TTLL12: variants seen among roughly 807,000 people sequenced by gnomAD.
The protein encoded by TTLL12 is tubulin tyrosine ligase like 12.
In TTLL12, 77 loss-of-function variants were observed where a neutral mutation model predicts 79.6. The ratio of observed to expected loss-of-function variants is 0.97; its 90% CI spans 0.81 to 1.17. The LOEUF (loss-of-function observed/expected upper bound fraction) is 1.17, where lower values mean the gene tolerates loss of function less well. Ranked by LOEUF, TTLL12 falls within the 50% of genes most tolerant of loss-of-function variation. The pLI is 0.00. For missense variants in TTLL12, 969 were observed against 895.9 expected (o/e 1.08, Z -1.04); for synonymous variants, 437 against 376.1 (o/e 1.16, Z -1.87).
intron 6 of TTLL12, among the ~76,000 whole-genome samples, chr22:43,174,895 A>G (rs1173031842): frequency 1.3e-5 from 2 of 152,230 alleles, no homozygotes; most frequent in Admixed American, 6.5e-5. Context: ...ATTAAATGGC[A>G]TAATTTGGGT....
chr22:43,169,909 G>C, intron 11 of TTLL12: 4 of 468,608 alleles, frequency 8.5e-6, no homozygotes, highest in South Asian at 6.2e-5. Context: ...TGCAGGGCCT[G>C]GGCTGGCACC....
chr22:43,179,571 C>T (rs763916160), intron 5 of TTLL12, 48 bp downstream of exon 5: 2 of 1,512,930 alleles, frequency 1.3e-6, no homozygotes, highest in Non-Finnish European at 1.8e-6. Flanking sequence ...AGAGAACATT[C>T]TGGAAGCTAC....
intron 8 of TTLL12, 70 bp downstream of exon 8, chr22:43,174,139 G>A (rs1601769580): frequency 6.5e-7 from 1 of 1,533,324 alleles, no homozygotes; most frequent in East Asian, 2.3e-5. Flanking sequence ...TCATGGAGGA[G>A]CAGGCGGACA....
intron 5 of TTLL12, among the ~76,000 whole-genome samples, chr22:43,176,904 G>A (rs75441074): frequency 0.031 from 4,701 of 151,964 alleles, 98 homozygotes; most frequent in South Asian, 0.086. Context: ...CTCGGATGCC[G>A]AACAGTCCTA....
Position 43,183,130 on chromosome 22 carries a change from A to G in TTLL12, c.197T>C (p.Val66Ala). ...CTCCTCCACTTGCATGATCCCAAAC[A>G]CTTCCCCAGCGTCGAAAACCTGGGG... ...LEHEVFDAGEVFGIMQVEEVE... is the reference protein window; with the variant it reads ...LEHEVFDAGEAFGIMQVEEVE... Residue 66 changes from valine (V) to alanine (A), a missense_variant, in exon 2 of 14, where the codon GTG (valine) becomes GCG (alanine). Val to Ala is a moderately conservative substitution (Grantham distance 64). Transcript: ENST00000216129. The G allele has an allele frequency of 1.2e-6, 2 of 1,613,446 alleles. No individual in the cohort carries two copies. Among genetic ancestry groups the G allele is most frequent in the Non-Finnish European group, 1.7e-6 (2 of 1,179,832 alleles).
chr22:43,185,897 T>C (rs1316955224), intron 1 of TTLL12: 8 of 932,494 alleles, frequency 8.6e-6, no homozygotes, highest in Non-Finnish European at 1.0e-5. Context: ...TCGGAAAGCA[T>C]ATGGCAGAAG....
Position 43,167,926 on chromosome 22 carries a change from A to C in TTLL12, c.*82T>G. The C allele has an allele frequency of 6.5e-7, 1 of 1,527,438 alleles. No individual in the cohort carries two copies. The highest frequency in any genetic ancestry group is 8.9e-7 in the Non-Finnish European group (1 of 1,123,098). 94.6% of individuals were successfully genotyped at this position (1,527,438 alleles called of 1,614,324 possible). On this transcript the variant is annotated 3_prime_UTR_variant, in exon 14 of 14. Transcript: ENST00000216129. ...ATGCCCAGGGCCGGTGTGGGGAGGG[A>C]CATGGGGGCCTTTGCAGAAGCAGCT... is the stretch of plus-strand genomic sequence containing the variant.
Position 43,167,473 on chromosome 22 carries a change from CATAGAGCCCTGTGGGTGCAGT to C in TTLL12, c.*514_*534del. On this transcript the variant is annotated 3_prime_UTR_variant, in exon 14 of 14. Transcript: ENST00000216129. ...TCAGGCTGTTCCTGGGCCCCTGTCG[CATAGAGCCCTGTGGGTGCAGT>C]GTGGGGCCCCACAGCCGTCCCGGGG... 1 of 265,878 alleles carries C rather than the reference CATAGAGCCCTGTGGGTGCAGT, an allele frequency of 3.8e-6. No homozygotes were observed. Among genetic ancestry groups the C allele is most frequent in the African/African-American group, 2.2e-5 (1 of 44,528 alleles). 16.5% of individuals were successfully genotyped at this position (265,878 alleles called of 1,614,324 possible).
At chr22:43,169,867 G>A (rs1484466839) in intron 11 of TTLL12, 6 of 497,818 alleles carry the variant, frequency 1.2e-5, no homozygotes, top group East Asian at 5.6e-5. Flanking sequence ...TGAGGCTCAC[G>A]CGAGACAATG....
In TTLL12 at chr22:43,179,909, G is replaced by A. The variant is rs763803905; in HGVS notation, c.638C>T (p.Pro213Leu). 3 of 1,611,026 alleles carry A rather than the reference G, an allele frequency of 1.9e-6. No individual in the cohort carries two copies. Among genetic ancestry groups the A allele is most frequent in the Non-Finnish European group, 2.5e-6 (3 of 1,179,866 alleles). ...HADVPSFATA[P>L]FFYMPQQVAY... ...CACCTGCTGCGGCATGTAGAAGAAG[G>A]GTGCCGTGGCGAAGCTGGGCACGTC... Residue 213 changes from proline to leucine, a missense_variant, in exon 4 of 14, where the codon CCC becomes CTC. By Grantham distance (98) the Pro-to-Leu change is moderately conservative. Coordinates refer to ENST00000216129, the MANE Select transcript of TTLL12 (RefSeq NM_015140.4).
intron 1 of TTLL12, among the ~76,000 whole-genome samples, chr22:43,185,412 G>A (rs1932160000): frequency 6.6e-6 from 1 of 151,236 alleles, no homozygotes. Flanking sequence ...TGCTGCTGCT[G>A]CTGGCGGCCT....
At chr22:43,177,966 T>C (rs1212705368) in intron 5 of TTLL12, among the ~76,000 whole-genome samples, 2 of 152,204 alleles carry the variant, frequency 1.3e-5, no homozygotes, top group Non-Finnish European at 2.9e-5. Context: ...TGCGTGGCCT[T>C]GTATCTCCTC....
Position 43,174,311 on chromosome 22 carries a change from C to T in TTLL12, c.1127G>A (p.Arg376His), listed in dbSNP as rs770118763. ...TGGGCCCTCGGGGCCACCTGCCCGGCGCGCGATGGAGGCCAGGCAGTCCTT... is the reference window on the plus strand; with the variant it reads ...TGGGCCCTCGGGGCCACCTGCCCGGTGCGCGATGGAGGCCAGGCAGTCCTT... ...TVKDCLASIARRAGGPEGPPW... is the reference protein window; with the variant it reads ...TVKDCLASIAHRAGGPEGPPW... The change falls in exon 8 of 14, where the codon CGC becomes CAC. Residue 376 changes from arginine (R) to histidine (H), a missense_variant. By Grantham distance (29) the Arg-to-His change is conservative. Coordinates refer to ENST00000216129, the MANE Select transcript of TTLL12 (RefSeq NM_015140.4). The T allele has an allele frequency of 1.2e-5, 20 of 1,610,406 alleles. No individual in the cohort carries two copies. The highest frequency in any genetic ancestry group is 6.7e-5 in the East Asian group (3 of 44,810).
chr22:43,186,793 G>T, intron 1 of TTLL12, 100 bp downstream of exon 1: 1 of 1,149,266 alleles, frequency 8.7e-7, no homozygotes, highest in Non-Finnish European at 1.1e-6. Flanking sequence ...GGCTCACCGC[G>T]GCTCCCGCCG....
intron 2 of TTLL12, among the ~76,000 whole-genome samples, chr22:43,181,810 G>A (rs371894261): frequency 2.6e-5 from 4 of 152,340 alleles, no homozygotes; most frequent in South Asian, 4.1e-4. Flanking sequence ...AGTTTTGTTG[G>A]CCTGTCCTAA....
At chr22:43,171,754 C>T (rs568734836) in intron 11 of TTLL12, 65 bp downstream of exon 11, 12 of 1,217,524 alleles carry the variant, frequency 9.9e-6, no homozygotes, top group African/African-American at 3.1e-5. Flanking sequence ...GCAGTGTGGG[C>T]GGGGTGGGGT....
At chr22:43,180,656 C>T in intron 3 of TTLL12, 86 bp downstream of exon 3, 2 of 1,461,666 alleles carry the variant, frequency 1.4e-6, no homozygotes, top group Middle Eastern at 2.0e-4. Flanking sequence ...TCTGGCCGGC[C>T]CCTCACCCGG....
At chr22:43,179,781 G>A in intron 4 of TTLL12, 29 bp from the exon 5 acceptor site, 3 of 1,548,450 alleles carry the variant, frequency 1.9e-6, no homozygotes, top group Non-Finnish European at 1.7e-6. Flanking sequence ...GCCCATCAGA[G>A]GGGGTGACGG....
Position 43,167,506 on chromosome 22 carries a change from C to T in TTLL12, c.*502G>A, listed in dbSNP as rs2147064284. On this transcript the variant is annotated 3_prime_UTR_variant, in exon 14 of 14. Transcript: ENST00000216129. ...CCTGTGGGTGCAGTGTGGGGCCCCA[C>T]AGCCGTCCCGGGGTCGTCCTGATGC... 1.4e-5 allele frequency: 3 copies of T among 217,140 alleles called. No homozygotes were observed. The highest frequency in any genetic ancestry group is 3.5e-3 in the Middle Eastern group (2 of 564). 13.5% of individuals were successfully genotyped at this position (217,140 alleles called of 1,614,324 possible).
Sources: gnomAD v4.1 joint callset for allele counts (sites outside exome capture counted in the v4.1 genomes callset) on GRCh38, gnomAD v4.1.1 for gene constraint, MANE v1.5 for transcripts, NCBI Gene and HGNC (gene_info 2026-07-23, HGNC 2026-07-21) for gene names.